Variants in BTBD16 observed in about 807,000 individuals in gnomAD.
The protein encoded by BTBD16 is BTB domain containing 16, also known as BTB/POZ domain-containing protein 16.
A neutral mutation model predicts 67.4 loss-of-function variants in BTBD16; 66 were observed. The ratio of observed to expected loss-of-function variants is 0.98; its 90% confidence interval spans 0.80 to 1.20. The LOEUF is 1.20. BTBD16 is among the 50% of genes most tolerant of loss of function. BTBD16 has a pLI of 0.00. For synonymous variants in BTBD16, 242 were observed against 236.4 expected (o/e 1.02, Z -0.22); for missense variants, 634 against 616.0 (o/e 1.03, Z -0.31).
chr10:122,282,889 G>A (rs1025139625), intron 3 of BTBD16, among the ~76,000 whole-genome samples: 1 of 152,220 alleles, frequency 6.6e-6, no homozygotes, highest in Non-Finnish European at 1.5e-5. Flanking sequence ...AGTTTATTCT[G>A]AAGAATGAGT....
intron 9 of BTBD16, 44 bp downstream of exon 9, chr10:122,299,178 G>A: frequency 6.2e-7 from 1 of 1,605,286 alleles, no homozygotes; most frequent in Non-Finnish European, 8.5e-7. Flanking sequence ...AGGGGGATGG[G>A]AGAAAGTAGG....
intron 5 of BTBD16, among the ~76,000 whole-genome samples, 199 bp from the exon 6 acceptor site, chr10:122,289,710 C>T (rs1204567692): frequency 6.6e-6 from 1 of 152,086 alleles, no homozygotes; most frequent in African/African-American, 2.4e-5. Flanking sequence ...TGCATTCTAG[C>T]CTGGGCGACA....
chr10:122,289,928 C>G lies in BTBD16; in HGVS notation c.405C>G (p.Thr135=), dbSNP rs1384781010. ...ELLRAQSPKK[T]KEKSPAKRII... Reference sequence around the variant, plus strand: ...TACTAGCTCAATCACCTAAGAAGACCAAAGAAAAATCCCCTGCAAAGAGGA... The same window carrying G: ...TACTAGCTCAATCACCTAAGAAGACGAAAGAAAAATCCCCTGCAAAGAGGA... Residue 135 remains threonine, a synonymous_variant, in exon 6 of 16, where the codon ACC becomes ACG. Coordinates refer to ENST00000260723, the MANE Select transcript of BTBD16 (RefSeq NM_144587.5). 1 of 1,613,604 alleles carries G rather than the reference C, an allele frequency of 6.2e-7. No homozygotes were observed. Among genetic ancestry groups the G allele is most frequent in the Non-Finnish European group, 8.5e-7 (1 of 1,179,834 alleles).
chr10:122,302,484 C>T (rs1387165838), intron 9 of BTBD16, among the ~76,000 whole-genome samples: 6 of 152,112 alleles, frequency 3.9e-5, no homozygotes, highest in African/African-American at 1.4e-4. Context: ...CGACCAGGGG[C>T]ACTGTATCCC....
intron 7 of BTBD16, among the ~76,000 whole-genome samples, chr10:122,296,939 C>CT (rs1226606705): frequency 1.3e-5 from 2 of 152,226 alleles, no homozygotes; most frequent in Non-Finnish European, 2.9e-5. Flanking sequence ...GCCCCAGGGC[C>CT]TTTGCACATG....
rs186622226 is a variant in BTBD16 at position 122,336,002 on chromosome 10, G to A, written c.1264-492G>A. Reference sequence around the variant, plus strand: ...TGACTGAATAAATGAATGGATAAACGAGTGAATTAATGCATGAATGAAGAA... The same window carrying A: ...TGACTGAATAAATGAATGGATAAACAAGTGAATTAATGCATGAATGAAGAA... On this transcript the variant is annotated intron_variant, in intron 14 of 15. Transcript: ENST00000260723. Among the ~76,000 whole-genome samples, 283 of 152,266 alleles carry A rather than the reference G, an allele frequency of 1.9e-3. 2 individuals carry two copies. Among genetic ancestry groups the A allele is most frequent in the African/African-American group, 6.0e-3 (248 of 41,564 alleles).
intron 9 of BTBD16, 145 bp from the exon 10 acceptor site, chr10:122,307,044 T>C: frequency 1.2e-6 from 1 of 862,652 alleles, no homozygotes. Context: ...TTGAGTAAGC[T>C]GTTTACCTGC....
chr10:122,335,344 C>A (rs562243193), intron 14 of BTBD16, among the ~76,000 whole-genome samples: 1 of 152,284 alleles, frequency 6.6e-6, no homozygotes, highest in Non-Finnish European at 1.5e-5. Flanking sequence ...GGTAATGCCC[C>A]CAACTGGGAG....
intron 7 of BTBD16, among the ~76,000 whole-genome samples, chr10:122,297,282 G>T (rs2096385135): frequency 1.3e-5 from 2 of 152,144 alleles, no homozygotes. Flanking sequence ...TCATGGGTGG[G>T]TGAGCCAAAT....
intron 10 of BTBD16, among the ~76,000 whole-genome samples, chr10:122,321,728 A>C (rs1396785824): frequency 6.6e-6 from 1 of 151,724 alleles, no homozygotes; most frequent in Non-Finnish European, 1.5e-5. Flanking sequence ...TGATTTGTTT[A>C]AGTTCCTTAT....
intron 10 of BTBD16, among the ~76,000 whole-genome samples, chr10:122,324,147 CAAAGCCGGTTCCAG>C (rs1380740039): frequency 6.6e-6 from 1 of 152,214 alleles, no homozygotes; most frequent in Non-Finnish European, 1.5e-5. Flanking sequence ...CAGAGCTTGA[CAAAGCCGGTTCCAG>C]AAAGCCTTCT....
At chr10:122,318,309 A>G (rs1366875756) in intron 10 of BTBD16, among the ~76,000 whole-genome samples, 1 of 152,108 alleles carries the variant, frequency 6.6e-6, no homozygotes, top group Admixed American at 6.6e-5. Flanking sequence ...ATGTTGTTGC[A>G]TGTATCAGTA....
intron 3 of BTBD16, among the ~76,000 whole-genome samples, chr10:122,280,991 G>A (rs2096351721): frequency 6.6e-6 from 1 of 152,008 alleles, no homozygotes; most frequent in African/African-American, 2.4e-5. Context: ...ATGTTTTGTA[G>A]AGATGGGGTC....
At chr10:122,330,974 A>G (rs1024973743) in intron 11 of BTBD16, among the ~76,000 whole-genome samples, 2 of 152,208 alleles carry the variant, frequency 1.3e-5, no homozygotes, top group African/African-American at 4.8e-5. Flanking sequence ...GATTTGGAAT[A>G]TAAAAGTAAT....
chr10:122,312,261 C>T (rs1214325389), intron 10 of BTBD16, among the ~76,000 whole-genome samples: 1 of 151,626 alleles, frequency 6.6e-6, no homozygotes, highest in East Asian at 1.9e-4. Context: ...TTTCCATATC[C>T]TTGCCAACAC....
chr10:122,281,657 C>G (rs1258349354), intron 3 of BTBD16, among the ~76,000 whole-genome samples: 1 of 152,152 alleles, frequency 6.6e-6, no homozygotes, highest in Non-Finnish European at 1.5e-5. Flanking sequence ...AAGGCATGTC[C>G]TTGCAAGTTA....
chr10:122,286,355 C>A, intron 5 of BTBD16, 107 bp downstream of exon 5: 1 of 1,446,940 alleles, frequency 6.9e-7, no homozygotes, highest in South Asian at 1.5e-5. Flanking sequence ...CTCTAGCAGT[C>A]AAGAGTAAGG....
At position 122,295,202 on chromosome 10, in the gene BTBD16, G is replaced by T. The variant is rs1033607244; in HGVS notation, c.591-2566G>T. 10 of 587,540 alleles carry T rather than the reference G, an allele frequency of 1.7e-5. No individual in the cohort carries two copies. In the East Asian group the frequency reaches 1.1e-3, roughly 67 times the overall value. 36.4% of individuals were successfully genotyped at this position (587,540 alleles called of 1,614,324 possible). ...TAAGGAACCAGGTAGAAGAAGGAAGGCATGGAAATCAAAACTAAGGCAGTA... is the reference window on the plus strand; with the variant it reads ...TAAGGAACCAGGTAGAAGAAGGAAGTCATGGAAATCAAAACTAAGGCAGTA... On this transcript the variant is annotated intron_variant, in intron 7 of 15. Coordinates refer to ENST00000260723, the MANE Select transcript of BTBD16 (RefSeq NM_144587.5).
In BTBD16 at chr10:122,298,988, CT is replaced by C. The variant is rs567079652; in HGVS notation, c.661-8del. On this transcript the variant is annotated splice_polypyrimidine_tract_variant and intron_variant, in intron 8 of 15. Transcript: ENST00000260723. ...GCTCAGGACTTCCTTCATCAACTGGCTTTTTTTTGTCTTAGTACAAGGAAGA... is the reference window on the plus strand; with the variant it reads ...GCTCAGGACTTCCTTCATCAACTGGCTTTTTTTGTCTTAGTACAAGGAAGA... 26 of 1,611,794 alleles carry C rather than the reference CT, an allele frequency of 1.6e-5. No homozygotes were observed. Among genetic ancestry groups the C allele is most frequent in the Middle Eastern group, 1.7e-4 (1 of 6,052 alleles).
Sources: gnomAD v4.1 joint callset for allele counts (sites outside exome capture counted in the v4.1 genomes callset) on GRCh38, gnomAD v4.1.1 for gene constraint, MANE v1.5 for transcripts, NCBI Gene and HGNC (gene_info 2026-07-23, HGNC 2026-07-21) for gene names.